Variants in ZNF280D observed in about 807,000 individuals in gnomAD.
ZNF280D encodes the protein zinc finger protein 280D, also known as suppressor of hairy wing homolog 4.
A neutral mutation model predicts 94.7 loss-of-function variants in ZNF280D; 39 were observed. The observed-to-expected ratio is 0.41, with a 90% CI of 0.32 to 0.54. The LOEUF is 0.54. Ranked by LOEUF, ZNF280D falls within the 20% of genes least tolerant of loss-of-function variation. The pLI, the probability that ZNF280D is intolerant of heterozygous loss-of-function variation, is 0.22. For missense variants in ZNF280D, 1,090 were observed against 1,149.3 expected (o/e 0.95, Z 0.75); for synonymous variants, 398 against 377.6 (o/e 1.05, Z -0.63).
intron 6 of ZNF280D, chr15:56,699,764 G>C (rs1236927557): frequency 6.1e-6 from 1 of 164,712 alleles, no homozygotes; most frequent in East Asian, 1.9e-4. Flanking sequence ...GGTACTTTAT[G>C]CACACTACCC....
At chr15:56,688,852 T>A in intron 9 of ZNF280D, 189 bp downstream of exon 9, 1 of 387,298 alleles carries the variant, frequency 2.6e-6, no homozygotes, top group East Asian at 4.3e-5. Context: ...TATACAAATT[T>A]AAGTTTTAAA....
chr15:56,707,327 C>G, intron 1 of ZNF280D, 21 bp from the exon 2 acceptor site: 1 of 1,517,514 alleles, frequency 6.6e-7, no homozygotes, highest in Non-Finnish European at 8.8e-7. Flanking sequence ...AAGATACCAA[C>G]TATTAGGGTG....
At chr15:56,711,244 G>A (rs1418667056) in intron 1 of ZNF280D, among the ~76,000 whole-genome samples, 2 of 152,090 alleles carry the variant, frequency 1.3e-5, no homozygotes, top group Admixed American at 1.3e-4. Flanking sequence ...AATAAAAATA[G>A]ACTTATGTCA....
At chr15:56,729,428 A>G (rs148906839) in intron 1 of ZNF280D, among the ~76,000 whole-genome samples, 242 of 152,314 alleles carry the variant, frequency 1.6e-3, no homozygotes, top group African/African-American at 5.5e-3. Flanking sequence ...ATAATTCATG[A>G]TTCTTATTGT....
At chr15:56,696,454 T>G (rs1227958942) in intron 6 of ZNF280D, among the ~76,000 whole-genome samples, 1 of 152,162 alleles carries the variant, frequency 6.6e-6, no homozygotes, top group African/African-American at 2.4e-5. Context: ...AGGCTCCCAG[T>G]ACAGCCCCAC....
At chr15:56,671,488 G>A (rs1596446952) in intron 13 of ZNF280D, among the ~76,000 whole-genome samples, 1 of 151,862 alleles carries the variant, frequency 6.6e-6, no homozygotes. Flanking sequence ...ATGGTTGTAG[G>A]TGTGCGGTTT....
chr15:56,652,574 T>C, intron 19 of ZNF280D: 1 of 933,688 alleles, frequency 1.1e-6, no homozygotes, highest in Non-Finnish European at 1.3e-6. Flanking sequence ...ACATGACAAA[T>C]TTAAAATATA....
At position 56,701,830 on chromosome 15, in the gene ZNF280D, T is replaced by G. The variant is rs562694750; in HGVS notation, c.176-592A>C. Among the ~76,000 whole-genome samples, 41 of 152,192 alleles carry G rather than the reference T, an allele frequency of 2.7e-4. No homozygotes were observed. The South Asian group carries it at 8.3e-3, about 31-fold the overall frequency. ...GTGAACCAATAGTTCATCATAGCAT[T>G]TTATTAGTTAAGAGGTTTCAAATTT... On this transcript the variant is annotated intron_variant, in intron 4 of 21. Transcript: ENST00000267807.
chr15:56,679,169 T>G (rs1479217811), intron 10 of ZNF280D, among the ~76,000 whole-genome samples: 1 of 152,124 alleles, frequency 6.6e-6, no homozygotes, highest in African/African-American at 2.4e-5. Context: ...ATTTTAAAAT[T>G]AAATACTAAA....
At chr15:56,694,124 A>G (rs1226733895) in intron 6 of ZNF280D, among the ~76,000 whole-genome samples, 4 of 152,152 alleles carry the variant, frequency 2.6e-5, no homozygotes, top group Non-Finnish European at 5.9e-5. Flanking sequence ...GGAAGATCTT[A>G]AGAAGAGAGG....
chr15:56,714,419 T>G (rs1334895943), intron 1 of ZNF280D, among the ~76,000 whole-genome samples: 1 of 152,188 alleles, frequency 6.6e-6, no homozygotes, highest in Non-Finnish European at 1.5e-5. Flanking sequence ...AATATATGGA[T>G]ACACCATAGT....
chr15:56,702,910 AAC>A (rs59095987), intron 4 of ZNF280D, among the ~76,000 whole-genome samples: 24,082 of 135,256 alleles, frequency 0.18, 1,998 homozygotes, highest in Middle Eastern at 0.26. Context: ...ATGGTAAGTA[AAC>A]ACACACACAC....
At chr15:56,691,127 C>G (rs1438561201) in intron 7 of ZNF280D, among the ~76,000 whole-genome samples, 8 of 152,098 alleles carry the variant, frequency 5.3e-5, no homozygotes, top group African/African-American at 1.9e-4. Context: ...CAGATATTAT[C>G]ATTACTAACA....
chr15:56,723,205 G>A (rs1305118412), intron 1 of ZNF280D, among the ~76,000 whole-genome samples: 1 of 150,852 alleles, frequency 6.6e-6, no homozygotes, highest in Non-Finnish European at 1.5e-5. Flanking sequence ...ATGTGCACAT[G>A]TACCCTAAAA....
At chr15:56,723,020 A>C (rs2058448875) in intron 1 of ZNF280D, among the ~76,000 whole-genome samples, 1 of 145,554 alleles carries the variant, frequency 6.9e-6, no homozygotes, top group African/African-American at 2.6e-5. Context: ...TAGGTGGGAA[A>C]TGAACAATGA....
At chr15:56,688,619 C>T (rs1184211740) in intron 9 of ZNF280D, among the ~76,000 whole-genome samples, 3 of 149,798 alleles carry the variant, frequency 2.0e-5, no homozygotes, top group Non-Finnish European at 3.0e-5. Flanking sequence ...GTGTTAAAAA[C>T]TAAAATGTAA....
intron 9 of ZNF280D, among the ~76,000 whole-genome samples, chr15:56,685,239 AG>A (rs2055918874): frequency 6.6e-6 from 1 of 152,216 alleles, no homozygotes; most frequent in South Asian, 2.1e-4. Context: ...AATGAACTTC[AG>A]CCAAACAGAA....
intron 1 of ZNF280D, among the ~76,000 whole-genome samples, chr15:56,720,132 T>A (rs374950657): frequency 6.6e-6 from 1 of 152,204 alleles, no homozygotes; most frequent in Non-Finnish European, 1.5e-5. Flanking sequence ...TAGCATTTGA[T>A]CCACAGTAGA....
At chr15:56,707,696 T>A (rs2057492850) in intron 1 of ZNF280D, among the ~76,000 whole-genome samples, 1 of 152,136 alleles carries the variant, frequency 6.6e-6, no homozygotes, top group African/African-American at 2.4e-5. Flanking sequence ...AACACAATTT[T>A]AAACAAATTT....
Sources: gnomAD v4.1 joint callset for allele counts (sites outside exome capture counted in the v4.1 genomes callset) on GRCh38, gnomAD v4.1.1 for gene constraint, MANE v1.5 for transcripts, NCBI Gene and HGNC (gene_info 2026-07-23, HGNC 2026-07-21) for gene names.